The following FUBP3 variants were observed in gnomAD, a reference collection of about 807,000 sequenced individuals.
FUBP3 encodes the protein far upstream element binding protein 3.
In FUBP3, 28 loss-of-function variants were observed where a neutral mutation model predicts 85.6. The observed-to-expected ratio is 0.33, with a 90% confidence interval of 0.24 to 0.45. FUBP3 has a LOEUF of 0.45. FUBP3 is among the 20% of genes least tolerant of loss of function. The pLI is 1.00. For missense variants in FUBP3, 583 were observed against 755.1 expected (o/e 0.77, Z 2.67); for synonymous variants, 271 against 271.4 (o/e 1.00, Z 0.01).
Position 130,587,350 on chromosome 9 carries a change from A to G in FUBP3, c.84+7586A>G, listed in dbSNP as rs113758578. Among the ~76,000 whole-genome samples, 442 of 152,272 alleles carry G rather than the reference A, an allele frequency of 2.9e-3. 3 individuals are homozygous for G. Among genetic ancestry groups the G allele is most frequent in the African/African-American group, 0.01 (427 of 41,562 alleles). On this transcript the variant is annotated intron_variant, in intron 1 of 18. Transcript: ENST00000319725. ...AGTGCTGGGATTACAGGTGTGAGCCACCCAGCCCAGCCTGTCAGTCTTTAA... is the reference window on the plus strand; with the variant it reads ...AGTGCTGGGATTACAGGTGTGAGCCGCCCAGCCCAGCCTGTCAGTCTTTAA...
intron 1 of FUBP3, among the ~76,000 whole-genome samples, chr9:130,594,808 A>G (rs1443505658): frequency 6.6e-6 from 1 of 151,742 alleles, no homozygotes; most frequent in Non-Finnish European, 1.5e-5. Flanking sequence ...AATTTGTTGC[A>G]TAAGCGAACC....
chr9:130,600,930 C>T (rs1352516414), intron 2 of FUBP3, among the ~76,000 whole-genome samples: 8 of 152,022 alleles, frequency 5.3e-5, no homozygotes, highest in Non-Finnish European at 1.0e-4. Context: ...AAGCAGTGAT[C>T]GCACCACTGC....
At chr9:130,606,978 T>C (rs1227231366) in intron 2 of FUBP3, among the ~76,000 whole-genome samples, 1 of 152,050 alleles carries the variant, frequency 6.6e-6, no homozygotes, top group Non-Finnish European at 1.5e-5. Flanking sequence ...GTTTGTTTGA[T>C]TGATTGATTT....
At chr9:130,610,628 C>T (rs554521925) in intron 3 of FUBP3, among the ~76,000 whole-genome samples, 2 of 152,308 alleles carry the variant, frequency 1.3e-5, no homozygotes, top group African/African-American at 4.8e-5. Flanking sequence ...AGTGTATCGC[C>T]CTTCAAACAG....
At chr9:130,594,552 C>A (rs1424786060) in intron 1 of FUBP3, among the ~76,000 whole-genome samples, 2 of 152,114 alleles carry the variant, frequency 1.3e-5, no homozygotes, top group African/African-American at 4.8e-5. Flanking sequence ...CATTGCACTC[C>A]AGCCTGGGCA....
intron 1 of FUBP3, among the ~76,000 whole-genome samples, chr9:130,580,314 C>T (rs576491659): frequency 3.3e-5 from 5 of 152,300 alleles, no homozygotes; most frequent in Middle Eastern, 6.8e-3. Flanking sequence ...TCATGGCAAG[C>T]TTGCCTCTAC....
At chr9:130,622,345 G>A (rs1281022964) in intron 9 of FUBP3, among the ~76,000 whole-genome samples, 1 of 136,848 alleles carries the variant, frequency 7.3e-6, no homozygotes, top group African/African-American at 2.8e-5. Flanking sequence ...AAAAAAAAGT[G>A]TCCTGGCCAG....
intron 2 of FUBP3, among the ~76,000 whole-genome samples, chr9:130,602,491 G>A (rs1363194901): frequency 1.3e-5 from 2 of 152,116 alleles, no homozygotes; most frequent in African/African-American, 4.8e-5. Context: ...AGGTACAAGT[G>A]CTAGCGGTGG....
chr9:130,612,180 G>GGCAGCTGTTA lies in FUBP3; in HGVS notation c.225-274_225-265dup, dbSNP rs1831779471. On this transcript the variant is annotated intron_variant, in intron 3 of 18. Transcript: ENST00000319725. This position sits in a 1 kb window ranked among gnomAD's most constrained non-coding sequence, Gnocchi z 4.1. ...ACTGAGAGGTGCTGTATGAAGAAAA[G>GGCAGCTGTTA]GCAGCTGTTAGAGGAGGTGATGGTT... Among the ~76,000 whole-genome samples, 1 of 152,160 alleles carries GGCAGCTGTTA rather than the reference G, an allele frequency of 6.6e-6. No individual in the cohort carries two copies.
At chr9:130,580,084 G>A (rs7846923) in intron 1 of FUBP3, among the ~76,000 whole-genome samples, 1 of 152,122 alleles carries the variant, frequency 6.6e-6, no homozygotes, top group Non-Finnish European at 1.5e-5. Flanking sequence ...TGAACCTCGC[G>A]AGGGGAGGGG....
intron 1 of FUBP3, among the ~76,000 whole-genome samples, chr9:130,590,790 C>T (rs923180295): frequency 9.9e-5 from 15 of 152,154 alleles, no homozygotes; most frequent in Admixed American, 6.5e-4. Context: ...GGGAAGGGAG[C>T]AGCCAAGTGG....
Position 130,612,035 on chromosome 9 carries a change from T to C in FUBP3, c.225-421T>C, listed in dbSNP as rs1159076440. 2.6e-5 allele frequency among the ~76,000 whole-genome samples: 4 copies of C among 152,168 alleles called. No individual in the cohort carries two copies. Among genetic ancestry groups the C allele is most frequent in the African/African-American group, 9.7e-5 (4 of 41,432 alleles). ...TGAAGAAAAGATGGATATCTCTTCA[T>C]CTAGAGAGGACTCCACAATAGAAGT... On this transcript the variant is annotated intron_variant, in intron 3 of 18. Coordinates refer to ENST00000319725, the MANE Select transcript of FUBP3 (RefSeq NM_003934.2). This position sits in a 1 kb window ranked among gnomAD's most constrained non-coding sequence, Gnocchi z 4.1.
chr9:130,614,916 A>T (rs1276447187), intron 6 of FUBP3, among the ~76,000 whole-genome samples: 3 of 152,310 alleles, frequency 2.0e-5, no homozygotes, highest in East Asian at 3.9e-4. Context: ...TCAGAACCTT[A>T]TACCAGGTGC....
intron 2 of FUBP3, among the ~76,000 whole-genome samples, chr9:130,603,035 G>A (rs1316768148): frequency 6.6e-6 from 1 of 152,106 alleles, no homozygotes; most frequent in African/African-American, 2.4e-5. Context: ...GTAACAAAGG[G>A]TAGAGCCTTG....
intron 1 of FUBP3, among the ~76,000 whole-genome samples, chr9:130,590,662 G>A (rs1554733527): frequency 6.6e-6 from 1 of 152,134 alleles, no homozygotes; most frequent in Non-Finnish European, 1.5e-5. Context: ...CTTCCCTTAA[G>A]TAACTACTGT....
intron 12 of FUBP3, among the ~76,000 whole-genome samples, chr9:130,628,768 TA>T (rs1830094588): frequency 6.6e-6 from 1 of 152,132 alleles, no homozygotes; most frequent in South Asian, 2.1e-4. Flanking sequence ...TATTCTTTTT[TA>T]TTTTTTTTTA....
intron 2 of FUBP3, among the ~76,000 whole-genome samples, chr9:130,601,529 G>A (rs1272779301): frequency 6.6e-6 from 1 of 152,096 alleles, no homozygotes; most frequent in Non-Finnish European, 1.5e-5. Flanking sequence ...TGGGGTGGCG[G>A]GGGTAAGGCC....
In FUBP3 at chr9:130,616,272, T is replaced by C. The variant is rs1250627986; in HGVS notation, c.405-83T>C. 7.3e-7 allele frequency: 1 copy of C among 1,368,384 alleles called. No homozygotes were observed. Among genetic ancestry groups the C allele is most frequent in the Non-Finnish European group, 1.0e-6 (1 of 976,866 alleles). 84.8% of individuals were successfully genotyped at this position (1,368,384 alleles called of 1,614,324 possible). On this transcript the variant is annotated intron_variant, in intron 6 of 18. Transcript: ENST00000319725. This position sits in a 1 kb window ranked among gnomAD's most constrained non-coding sequence, Gnocchi z 4.7. Reference sequence around the variant, plus strand: ...GGCTGCCCTGACTCCCGCAGGTTTTTCCCTCAGTGCTATTTCCCTGTCTTG... The same window carrying C: ...GGCTGCCCTGACTCCCGCAGGTTTTCCCCTCAGTGCTATTTCCCTGTCTTG...
Position 130,626,430 on chromosome 9 carries a change from G to A in FUBP3, c.1042G>A (p.Val348Met), listed in dbSNP as rs367871511. ...AGGTCGTGGCCGTGGCGACTGGAGCGTGGGAGCCCCTGGTGGCGTCCAGGA... is the reference window on the plus strand; with the variant it reads ...AGGTCGTGGCCGTGGCGACTGGAGCATGGGAGCCCCTGGTGGCGTCCAGGA... ...GRGRGRGDWSVGAPGGVQEIT... is the reference protein window; with the variant it reads ...GRGRGRGDWSMGAPGGVQEIT... The change falls in exon 12 of 19, where the codon GTG becomes ATG. Residue 348 changes from valine to methionine, a missense_variant. Val to Met is a conservative substitution (Grantham distance 21, BLOSUM62 1). This residue lies in a region of FUBP3 where 404 missense variants were observed against 516.8 expected (regional missense o/e 0.78). Transcript: ENST00000319725. 1.4e-5 allele frequency: 22 copies of A among 1,614,006 alleles called. No individual in the cohort carries two copies. Among genetic ancestry groups the A allele is most frequent in the African/African-American group, 1.1e-4 (8 of 74,934 alleles).
Sources: allele counts gnomAD v4.1 joint callset (sites outside exome capture counted in the v4.1 genomes callset), GRCh38; gene constraint gnomAD v4.1.1; regional missense constraint gnomAD v4.1.1; non-coding constraint Gnocchi (gnomAD v3.1); transcripts MANE v1.5; gene names NCBI Gene and HGNC (gene_info 2026-07-23, HGNC 2026-07-21).